Variants in LARP1B observed in about 807,000 individuals in gnomAD.
LARP1B encodes la-related protein 1B.
Under a neutral mutation model 114.2 loss-of-function variants are expected in LARP1B, and 76 were observed. The ratio of observed to expected loss-of-function variants is 0.67; its 90% CI spans 0.55 to 0.81. The LOEUF is 0.81. LARP1B is among the 30% of genes least tolerant of loss of function. The pLI, the probability that LARP1B is intolerant of heterozygous loss-of-function variation, is 0.00. For missense variants in LARP1B, 1,014 were observed against 1,075.8 expected (o/e 0.94, Z 0.80); for synonymous variants, 345 against 348.0 (o/e 0.99, Z 0.10).
intron 1 of LARP1B, 127 bp downstream of exon 1, chr4:128,061,528 G>C (rs996984531): frequency 1.5e-5 from 4 of 269,086 alleles, no homozygotes; most frequent in African/African-American, 2.3e-5. Flanking sequence ...GCGTCACGCC[G>C]GGCGCTGCGC....
At chr4:128,134,598 G>C (rs1362356080) in intron 11 of LARP1B, among the ~76,000 whole-genome samples, 1 of 152,108 alleles carries the variant, frequency 6.6e-6, no homozygotes, top group Non-Finnish European at 1.5e-5. Flanking sequence ...TAGACAAATG[G>C]AATTCTTGAA....
rs1284372101 is a variant in LARP1B, at chr4:128,139,900, A to ATGTGGG, written c.1524+17712_1524+17713insTGTGGG. On this transcript the variant is annotated intron_variant, in intron 11 of 19. Coordinates refer to ENST00000326639, the MANE Select transcript of LARP1B (RefSeq NM_018078.4). ...TCAATCTGTGGGAATAAAAAATGGT[A>ATGTGGG]AACCATATGCTATGATCCACCATTT... is the stretch of plus-strand genomic sequence containing the variant. Among the ~76,000 whole-genome samples, 762 of 152,242 alleles carry ATGTGGG rather than the reference A, an allele frequency of 5.0e-3. 13 individuals are homozygous for ATGTGGG. Among genetic ancestry groups the ATGTGGG allele is most frequent in the South Asian group, 3.5e-3 (17 of 4,822 alleles).
chr4:128,140,213 A>T (rs1261300722), intron 11 of LARP1B, among the ~76,000 whole-genome samples: 3 of 152,172 alleles, frequency 2.0e-5, no homozygotes, highest in African/African-American at 7.2e-5. Flanking sequence ...AGGAATTTAG[A>T]TGTGTTCACC....
downstream of LARP1B, among the ~76,000 whole-genome samples, chr4:128,214,467 G>GAC (rs1308560233): frequency 1.3e-5 from 2 of 151,816 alleles, no homozygotes; most frequent in African/African-American, 4.8e-5. Context: ...AGAACTGGCA[G>GAC]ACTGCCTCCT....
Position 128,210,592 on chromosome 4 carries a change from G to T in LARP1B, c.*539G>T, listed in dbSNP as rs1758809254. 1.1e-6 allele frequency: 1 copy of T among 920,648 alleles called. No individual in the cohort carries two copies. The allele number at this position is 920,648 out of a possible 1,614,324, so 57.0% of individuals were successfully genotyped here. A position where few individuals can be genotyped will look rare whatever the true frequency, so the allele number is the denominator to read the frequency against. On this transcript the variant is annotated 3_prime_UTR_variant, in exon 20 of 20. Transcript: ENST00000326639. ...AAAAGAATATGAAATTATACCTTTA[G>T]TATCCCTTTGAGACATATAGTTTAA...
At chr4:128,163,856 T>A (rs1227327115) in intron 12 of LARP1B, among the ~76,000 whole-genome samples, 1 of 152,118 alleles carries the variant, frequency 6.6e-6, no homozygotes, top group African/African-American at 2.4e-5. Flanking sequence ...TCAGTAATAA[T>A]GGAGTTGGAC....
intron 5 of LARP1B, among the ~76,000 whole-genome samples, chr4:128,083,715 C>T (rs1771859983): frequency 6.8e-6 from 1 of 147,714 alleles, no homozygotes; most frequent in South Asian, 2.2e-4. Context: ...GCTGGCCCGG[C>T]AGAGGGGCTC....
At chr4:128,146,203 C>A (rs942874311) in intron 11 of LARP1B, among the ~76,000 whole-genome samples, 6 of 152,062 alleles carry the variant, frequency 3.9e-5, no homozygotes, top group African/African-American at 1.2e-4. Flanking sequence ...TGAGACACAT[C>A]CATATTGTTA....
At chr4:128,122,843 A>G (rs917799509) in intron 11 of LARP1B, 5 of 1,046,240 alleles carry the variant, frequency 4.8e-6, no homozygotes, top group Non-Finnish European at 5.7e-6. Flanking sequence ...TAAAATAGAG[A>G]ACCAGAATAG....
At chr4:128,118,594 C>T (rs1786832776) in intron 10 of LARP1B, among the ~76,000 whole-genome samples, 1 of 151,884 alleles carries the variant, frequency 6.6e-6, no homozygotes, top group Admixed American at 6.6e-5. Context: ...TTGGGAGAAA[C>T]TAATGTTTCT....
intron 13 of LARP1B, among the ~76,000 whole-genome samples, chr4:128,178,122 A>G (rs1051082256): frequency 1.3e-5 from 2 of 150,786 alleles, no homozygotes; most frequent in East Asian, 1.9e-4. Context: ...TAAAAGATCA[A>G]AATTCCAATT....
intron 8 of LARP1B, among the ~76,000 whole-genome samples, chr4:128,103,715 A>G (rs1247993831): frequency 6.6e-6 from 1 of 151,880 alleles, no homozygotes; most frequent in Non-Finnish European, 1.5e-5. Context: ...AGCGCCTGCC[A>G]CCACGCCTGG....
chr4:128,122,454 G>GT (rs757180510), intron 11 of LARP1B: 1,442 of 1,417,018 alleles, frequency 1.0e-3, no homozygotes, highest in East Asian at 5.4e-3. Flanking sequence ...TTTTTTTTTT[G>GT]TTTTGTTTTT....
At chr4:128,129,975 A>G (rs1561341275) in intron 11 of LARP1B, among the ~76,000 whole-genome samples, 1 of 152,254 alleles carries the variant, frequency 6.6e-6, no homozygotes, top group Non-Finnish European at 1.5e-5. Context: ...TAGATTCAAT[A>G]CCAAAACAAT....
chr4:128,108,006 CA>C (rs2149806562), intron 9 of LARP1B: 1 of 1,527,518 alleles, frequency 6.5e-7, no homozygotes, highest in African/African-American at 1.4e-5. Context: ...TGAAAGCGAT[CA>C]GACTGTCTTC....
chr4:128,179,637 G>T, intron 15 of LARP1B, 125 bp downstream of exon 15: 1 of 540,176 alleles, frequency 1.9e-6, no homozygotes, highest in Non-Finnish European at 3.2e-6. Flanking sequence ...CAATGAAAAT[G>T]GTACAAAGAA....
chr4:128,098,747 G>GTGTATATATATATATATATATATATATA, intron 8 of LARP1B, among the ~76,000 whole-genome samples: 1 of 15,594 alleles, frequency 6.4e-5, no homozygotes, highest in African/African-American at 1.9e-4. Flanking sequence ...ATATGTATGT[G>GTGTATATATATATATATATATATATATA]TATATATATA....
chr4:128,119,842 C>A (rs1787308481), intron 10 of LARP1B, among the ~76,000 whole-genome samples: 1 of 152,028 alleles, frequency 6.6e-6, no homozygotes, highest in Admixed American at 6.5e-5. Context: ...TGTTTTTATT[C>A]TTTGCACTGT....
At chr4:128,060,803 G>A (rs1252576933), upstream of LARP1B, among the ~76,000 whole-genome samples, 1 of 152,230 alleles carries the variant, frequency 6.6e-6, no homozygotes, top group African/African-American at 2.4e-5. Context: ...TTCACCTGGG[G>A]GAGGCGCCGG....
Sources: allele counts gnomAD v4.1 joint callset (sites outside exome capture counted in the v4.1 genomes callset), GRCh38; gene constraint gnomAD v4.1.1; transcripts MANE v1.5; gene names NCBI Gene and HGNC (gene_info 2026-07-23, HGNC 2026-07-21).